CLDN16: variants seen among roughly 807,000 people sequenced by gnomAD.
CLDN16 encodes the protein claudin 16, also known as claudin-16.
In CLDN16, 13 loss-of-function variants were observed where a neutral mutation model predicts 24.6. That is an observed-to-expected ratio of 0.53 (90% CI 0.34 to 0.84). CLDN16 has a LOEUF of 0.84. CLDN16 is among the 40% of genes least tolerant of loss of function. CLDN16 has a pLI of 0.01. For missense variants in CLDN16, 298 were observed against 292.7 expected, an observed-to-expected ratio of 1.02 and a Z score of -0.13; for synonymous variants, 116 against 106.7, an observed-to-expected ratio of 1.09 and a Z score of -0.54.
intron 1 of CLDN16, among the ~76,000 whole-genome samples, chr3:190,394,168 T>TGC: frequency 1.3e-5 from 2 of 152,330 alleles, no homozygotes; most frequent in Admixed American, 1.3e-4. Flanking sequence ...AGAAAATAAA[T>TGC]TGAGATAATA....
chr3:190,308,096 A>G, the CLDN16 span: 1 of 673,718 alleles, frequency 1.5e-6, no homozygotes, highest in Non-Finnish European at 2.5e-6. Flanking sequence ...AAGATAAAAT[A>G]AGATTAAGCC....
chr3:190,375,220 A>G (rs1405712292), intron 3 of CLDN16, among the ~76,000 whole-genome samples: 4 of 151,996 alleles, frequency 2.6e-5, no homozygotes, highest in Non-Finnish European at 4.4e-5. Context: ...AAGGTCAAAG[A>G]AATAATCTTT....
At chr3:190,318,294 T>C (rs181311186), upstream of CLDN16, among the ~76,000 whole-genome samples, 2 of 152,222 alleles carry the variant, frequency 1.3e-5, no homozygotes, top group Non-Finnish European at 2.9e-5. Context: ...ATTAAGTTGA[T>C]GCTTCTATAT....
intron 1 of CLDN16, among the ~76,000 whole-genome samples, chr3:190,350,956 T>C (rs1357298440): frequency 6.6e-6 from 1 of 152,168 alleles, no homozygotes; most frequent in Non-Finnish European, 1.5e-5. Context: ...CCGCCAAATT[T>C]CATGTTGAAA....
upstream of CLDN16, among the ~76,000 whole-genome samples, chr3:190,321,446 A>G (rs1716918680): frequency 6.6e-6 from 1 of 152,206 alleles, no homozygotes; most frequent in Non-Finnish European, 1.5e-5. Context: ...CCTCAAGCAT[A>G]AGCAGAAGAC....
intron 3 of CLDN16, among the ~76,000 whole-genome samples, chr3:190,405,965 G>A (rs1437112420): frequency 6.6e-6 from 1 of 152,138 alleles, no homozygotes; most frequent in African/African-American, 2.4e-5. Context: ...CTAACAAAGC[G>A]AATATAAGTG....
chr3:190,300,793 A>T, the CLDN16 span, among the ~76,000 whole-genome samples: 1 of 152,098 alleles, frequency 6.6e-6, no homozygotes, highest in African/African-American at 2.4e-5. Context: ...TTAAACTGAC[A>T]CGTTTGGTTT....
intron 3 of CLDN16, chr3:190,374,636 A>G (rs1362061258): frequency 6.6e-6 from 1 of 151,958 alleles, no homozygotes; most frequent in Admixed American, 6.6e-5. Flanking sequence ...TTTTTCCCAC[A>G]TCTAGACATT....
upstream of CLDN16, among the ~76,000 whole-genome samples, chr3:190,383,811 TAC>T (rs1359045978): frequency 6.6e-6 from 1 of 152,168 alleles, no homozygotes; most frequent in East Asian, 1.9e-4. Flanking sequence ...TACATGTGTG[TAC>T]ACACAAACAT....
chr3:190,369,421 A>G (rs1297143119), intron 1 of CLDN16, among the ~76,000 whole-genome samples: 1 of 151,992 alleles, frequency 6.6e-6, no homozygotes, highest in Non-Finnish European at 1.5e-5. Context: ...TCATAAGAGA[A>G]CATGCAGTGA....
intron 3 of CLDN16, 125 bp downstream of exon 3, chr3:190,405,051 A>G: frequency 5.3e-6 from 5 of 938,366 alleles, no homozygotes; most frequent in Non-Finnish European, 8.6e-6. Context: ...CTAGATTGAA[A>G]AACTAAAGGT....
chr3:190,366,344 G>A (rs1718021189), intron 1 of CLDN16, among the ~76,000 whole-genome samples: 1 of 151,880 alleles, frequency 6.6e-6, no homozygotes, highest in Non-Finnish European at 1.5e-5. Flanking sequence ...CACTGACACA[G>A]CATGCCAACG....
chr3:190,387,014 C>A (rs763052661), upstream of CLDN16, among the ~76,000 whole-genome samples: 14 of 152,058 alleles, frequency 9.2e-5, no homozygotes, highest in Non-Finnish European at 1.8e-4. Context: ...TGATTCATGC[C>A]AGAGTAATTA....
At chr3:190,385,199 A>G (rs9833540), upstream of CLDN16, among the ~76,000 whole-genome samples, 28,268 of 152,060 alleles carry the variant, frequency 0.19, 3,061 homozygotes, top group Middle Eastern at 0.29. Flanking sequence ...GAGTTGATAA[A>G]CCAAAATGTT....
At chr3:190,300,757 T>C in the CLDN16 span, among the ~76,000 whole-genome samples, 1 of 152,202 alleles carries the variant, frequency 6.6e-6, no homozygotes, top group Non-Finnish European at 1.5e-5. Flanking sequence ...TCTAACTCTG[T>C]CTTGGCATCC....
the CLDN16 span, chr3:190,308,513 A>G: frequency 1.5e-6 from 2 of 1,347,316 alleles, no homozygotes; most frequent in Non-Finnish European, 2.1e-6. Flanking sequence ...AAAGGAAAAA[A>G]AATCAATACT....
chr3:190,361,259 C>T (rs562646761), intron 1 of CLDN16, among the ~76,000 whole-genome samples: 9 of 151,980 alleles, frequency 5.9e-5, no homozygotes, highest in Admixed American at 1.3e-4. Context: ...TTGGCTTTAA[C>T]TATTGCATTA....
intron 3 of CLDN16, among the ~76,000 whole-genome samples, chr3:190,406,896 C>T (rs930242955): frequency 2.0e-5 from 3 of 152,038 alleles, no homozygotes; most frequent in Non-Finnish European, 4.4e-5. Flanking sequence ...CGCCCACCAC[C>T]ACGCCTGGCT....
At chr3:190,319,725 T>G (rs3774018), upstream of CLDN16, among the ~76,000 whole-genome samples, 68,398 of 151,972 alleles carry the variant, frequency 0.45, 15,975 homozygotes, top group East Asian at 0.8. Flanking sequence ...TTTTTCTGAG[T>G]GATACTGCTT....
Sources: gnomAD v4.1 joint callset for allele counts (sites outside exome capture counted in the v4.1 genomes callset) on GRCh38, gnomAD v4.1.1 for gene constraint, MANE v1.5 for transcripts, NCBI Gene and HGNC (gene_info 2026-07-23, HGNC 2026-07-21) for gene names.